The following HUNK variants were observed in gnomAD, a reference collection of about 807,000 sequenced individuals.
HUNK encodes hormonally up-regulated Neu-associated kinase.
Under a neutral mutation model 61.0 loss-of-function variants are expected in HUNK, and 21 were observed. The ratio of observed to expected loss-of-function variants is 0.34; its 90% CI spans 0.24 to 0.50. HUNK has a LOEUF of 0.50. Among genes scored for constraint, HUNK ranks in the 20% least tolerant of loss-of-function variants. The pLI is 0.98. For missense variants in HUNK, 772 were observed against 945.7 expected, an observed-to-expected ratio of 0.82 and a Z score of 2.41; for synonymous variants, 371 against 386.1, an observed-to-expected ratio of 0.96 and a Z score of 0.46.
intron 1 of HUNK, among the ~76,000 whole-genome samples, chr21:31,876,819 A>T (rs1421196639): frequency 6.6e-6 from 1 of 152,032 alleles, no homozygotes; most frequent in Admixed American, 6.6e-5. Flanking sequence ...TTTATTTTTT[A>T]AATTTTTTAT....
chr21:31,989,637 C>A (rs888134617), intron 8 of HUNK, among the ~76,000 whole-genome samples: 2 of 146,176 alleles, frequency 1.4e-5, no homozygotes, highest in African/African-American at 5.1e-5. Flanking sequence ...TCGCTTGAAC[C>A]TGGGAAGCAG....
chr21:31,976,300 A>G (rs1434421166), intron 7 of HUNK, among the ~76,000 whole-genome samples: 1 of 152,066 alleles, frequency 6.6e-6, no homozygotes, highest in East Asian at 1.9e-4. Context: ...AACATATAGT[A>G]TACTATTTAT....
chr21:31,874,648 C>G (rs1382077227), intron 1 of HUNK, among the ~76,000 whole-genome samples: 1 of 151,694 alleles, frequency 6.6e-6, no homozygotes, highest in African/African-American at 2.4e-5. Flanking sequence ...CTCCGTTCCC[C>G]CAGCTCCTCT....
intron 1 of HUNK, among the ~76,000 whole-genome samples, chr21:31,912,733 C>T (rs1026524281): frequency 2.0e-5 from 3 of 152,008 alleles, no homozygotes; most frequent in African/African-American, 4.8e-5. Context: ...TTGGTAGAGA[C>T]GGGGTTTCAC....
At chr21:31,958,429 G>A (rs80230503) in intron 4 of HUNK, among the ~76,000 whole-genome samples, 13,241 of 152,090 alleles carry the variant, frequency 0.087, 621 homozygotes, top group East Asian at 0.17. Context: ...CTCCCCAGTA[G>A]CTGGGATTAC....
At chr21:31,887,031 G>A (rs1176070256) in intron 1 of HUNK, among the ~76,000 whole-genome samples, 5 of 152,206 alleles carry the variant, frequency 3.3e-5, no homozygotes, top group Admixed American at 2.0e-4. Flanking sequence ...GCAGGCTCTG[G>A]TTCTGCAAGC....
chr21:31,936,724 C>T (rs931313339), intron 2 of HUNK, among the ~76,000 whole-genome samples: 7 of 151,996 alleles, frequency 4.6e-5, no homozygotes, highest in African/African-American at 9.7e-5. Context: ...ATTTGAAAAG[C>T]GGATATTTTT....
chr21:31,892,161 AAAT>A (rs1413365099), intron 1 of HUNK, among the ~76,000 whole-genome samples: 103 of 100,566 alleles, frequency 1.0e-3, no homozygotes, highest in South Asian at 4.5e-3. Context: ...AAAAAAAAAA[AAAT>A]ATATATATAT....
At chr21:31,978,755 C>T (rs955336327) in intron 7 of HUNK, among the ~76,000 whole-genome samples, 1 of 152,100 alleles carries the variant, frequency 6.6e-6, no homozygotes, top group Non-Finnish European at 1.5e-5. Flanking sequence ...TAGCCATTTC[C>T]TGGCTATTGT....
At chr21:31,967,972 G>C (rs950926563) in intron 5 of HUNK, among the ~76,000 whole-genome samples, 1 of 152,172 alleles carries the variant, frequency 6.6e-6, no homozygotes, top group Non-Finnish European at 1.5e-5. Context: ...CCCTTGGACA[G>C]AGAAATTAAA....
rs572659613 is a variant in HUNK at position 31,906,290 on chromosome 21, C to T, written c.262-18178C>T. The stretch of plus-strand genomic sequence containing the variant: ...TGCCTAGGATTTCTCAGTGCTGGGA[C>T]TCTGACCTCAGCTGGGTTCCAAAAG... On this transcript the variant is annotated intron_variant, in intron 1 of 10. Coordinates refer to ENST00000270112, the MANE Select transcript of HUNK (RefSeq NM_014586.2). Among the ~76,000 whole-genome samples the T allele has an allele frequency of 5.6e-4, 85 of 152,324 alleles. 1 individual carries two copies. Among genetic ancestry groups the T allele is most frequent in the African/African-American group, 2.0e-3 (85 of 41,596 alleles).
In HUNK at chr21:31,978,207, A is replaced by G. The variant is rs192196203; in HGVS notation, c.1173+3490A>G. Among the ~76,000 whole-genome samples the G allele has an allele frequency of 3.8e-3, 579 of 152,304 alleles. 8 individuals carry two copies. The highest frequency in any genetic ancestry group is 0.013 in the African/African-American group (556 of 41,564). ...TTCAATTAAATTTATTTAATTGACC[A>G]AAAAAATGGTATATATTTATCCTGT... On this transcript the variant is annotated intron_variant, in intron 7 of 10. Coordinates refer to ENST00000270112, the MANE Select transcript of HUNK (RefSeq NM_014586.2).
chr21:31,946,224 C>T (rs2052802227), intron 4 of HUNK, 53 bp downstream of exon 4: 2 of 1,561,276 alleles, frequency 1.3e-6, no homozygotes, highest in Non-Finnish European at 1.8e-6. Flanking sequence ...CTCCACCGTG[C>T]CTTCCTTATG....
chr21:31,905,725 A>C (rs992634514), intron 1 of HUNK, among the ~76,000 whole-genome samples: 1 of 152,214 alleles, frequency 6.6e-6, no homozygotes, highest in African/African-American at 2.4e-5. Flanking sequence ...GGACACCATA[A>C]ACGCACATGA....
chr21:31,995,587 G>A (rs1460927630), intron 9 of HUNK, among the ~76,000 whole-genome samples, 181 bp from the exon 10 acceptor site: 2 of 152,226 alleles, frequency 1.3e-5, no homozygotes, highest in Non-Finnish European at 2.9e-5. Flanking sequence ...CAGGCAGAGG[G>A]AGATGGGCTT....
At position 31,979,345 on chromosome 21, in the gene HUNK, T is replaced by C. The variant is rs1373052874; in HGVS notation, c.1174-4181T>C. Among the ~76,000 whole-genome samples, 4 of 151,266 alleles carry C rather than the reference T, an allele frequency of 2.6e-5. No homozygotes were observed. In the East Asian group the frequency reaches 5.9e-4, roughly 22 times the overall value. On this transcript the variant is annotated intron_variant, in intron 7 of 10. Coordinates refer to ENST00000270112, the MANE Select transcript of HUNK (RefSeq NM_014586.2). ...TGTTGGCCAGGATGGTCTCAATCTC[T>C]TGACCTTGTGATCTGCCTGCCTCGG... is the stretch of plus-strand genomic sequence containing the variant.
In HUNK at chr21:31,909,535, T is replaced by A. The variant is rs904324864; in HGVS notation, c.262-14933T>A. Among the ~76,000 whole-genome samples the A allele has an allele frequency of 1.3e-4, 20 of 152,184 alleles. 1 individual carries two copies. Among genetic ancestry groups the A allele is most frequent in the African/African-American group, 3.6e-4 (15 of 41,456 alleles). Reference sequence around the variant, plus strand: ...ATCAGTCCTAATGAGCTTTGTTGTTTAAACTGGGGAAGGAAACTTTTTCCC... The same window carrying A: ...ATCAGTCCTAATGAGCTTTGTTGTTAAAACTGGGGAAGGAAACTTTTTCCC... On this transcript the variant is annotated intron_variant, in intron 1 of 10. Coordinates refer to ENST00000270112, the MANE Select transcript of HUNK (RefSeq NM_014586.2).
chr21:31,876,542 G>A (rs2052263599), intron 1 of HUNK, among the ~76,000 whole-genome samples: 1 of 152,154 alleles, frequency 6.6e-6, no homozygotes, highest in Non-Finnish European at 1.5e-5. Flanking sequence ...CTAGTTTTGG[G>A]TATTGCCTAA....
Position 31,967,129 on chromosome 21 carries a change from G to A in HUNK, c.875-1121G>A, listed in dbSNP as rs1397389781. ...TTTGGGAGGCTGAGGCAGGAGGATC[G>A]CTTGAGCTCAGGGGTTTGAGACCAG... On this transcript the variant is annotated intron_variant, in intron 5 of 10. Transcript: ENST00000270112. Among the ~76,000 whole-genome samples, 4 of 151,968 alleles carry A rather than the reference G, an allele frequency of 2.6e-5. No homozygotes were observed. The South Asian group carries it at 6.3e-4, about 24-fold the overall frequency.
Sources: allele counts gnomAD v4.1 joint callset (sites outside exome capture counted in the v4.1 genomes callset), GRCh38; gene constraint gnomAD v4.1.1; transcripts MANE v1.5; gene names NCBI Gene and HGNC (gene_info 2026-07-23, HGNC 2026-07-21).